APOL2: variants seen among roughly 807,000 people sequenced by gnomAD.
APOL2 encodes the protein apolipoprotein L, 2.
A neutral mutation model predicts 7.1 loss-of-function variants in APOL2; 8 were observed. That is an observed-to-expected ratio of 1.12 (90% CI 0.66 to 2.03). The LOEUF is 2.03. Among genes scored for constraint, APOL2 ranks in the 30% most tolerant of loss-of-function variants. The probability of loss-of-function intolerance (pLI) is 0.00; values close to 1 mark genes in which losing one functional copy is unlikely to be tolerated. For missense variants in APOL2, 471 were observed against 415.1 expected (o/e 1.13, Z -1.17); for synonymous variants, 177 against 159.9 (o/e 1.11, Z -0.81).
intron 1 of APOL2, 31 bp downstream of exon 1, chr22:36,239,410 A>C (rs1036113883): frequency 6.6e-7 from 1 of 1,519,534 alleles, no homozygotes. Flanking sequence ...GAATAAGGAC[A>C]TGGGGGTAGA....
chr22:36,227,269 T>C lies in APOL2; in HGVS notation c.*135A>G, dbSNP rs1014374944. 1.6e-5 allele frequency: 18 copies of C among 1,120,712 alleles called. No homozygotes were observed. In the African/African-American group the frequency reaches 2.5e-4, roughly 16 times the overall value. The allele number at this position is 1,120,712 out of a possible 1,614,324, so 69.4% of individuals were successfully genotyped here. A position where few individuals can be genotyped will look rare whatever the true frequency, so the allele number is the denominator to read the frequency against. On this transcript the variant is annotated 3_prime_UTR_variant, in exon 5 of 5. Transcript: ENST00000358502. ...AGGCGGAGTTTGCAGTGAGCCGAGA[T>C]TGAGCCACTGCACTCCATCCTGGGC...
upstream of APOL2, chr22:36,239,840 T>G (rs943301817): frequency 8.0e-5 from 26 of 323,668 alleles, no homozygotes; most frequent in Non-Finnish European, 1.2e-4. Flanking sequence ...CTGAGCCGCT[T>G]GCCCCCCAAC....
chr22:36,233,222 C>T lies in APOL2; in HGVS notation c.-60G>A, dbSNP rs748924267. ...TGGAGCTCTCCAGTCACTGTCCAGA[C>T]TGGAAGGTTTTCCTTAACCCTTGAG... On this transcript the variant is annotated 5_prime_UTR_variant, in exon 3 of 5. Coordinates refer to ENST00000358502, the MANE Select transcript of APOL2 (RefSeq NM_030882.4). 9.9e-6 allele frequency: 16 copies of T among 1,613,988 alleles called. No individual in the cohort carries two copies. In the South Asian group the frequency reaches 1.8e-4, roughly 18 times the overall value.
Position 36,227,705 on chromosome 22 carries a change from G to T in APOL2, c.713C>A (p.Ala238Glu), listed in dbSNP as rs747089040. ...RRARANPQLG[A>E]YAPPPHVIGR... Reference sequence around the variant, plus strand: ...AATGACATGCGGGGGTGGGGCATACGCTCCTAACTGAGGGTTGGCTCTGGC... The same window carrying T: ...AATGACATGCGGGGGTGGGGCATACTCTCCTAACTGAGGGTTGGCTCTGGC... Residue 238 changes from alanine to glutamate, a missense_variant, in exon 5 of 5, where the codon GCG (alanine) becomes GAG (glutamate). Transcript: ENST00000358502. The T allele has an allele frequency of 1.2e-5, 19 of 1,614,210 alleles. No individual in the cohort carries two copies. Among genetic ancestry groups the T allele is most frequent in the Non-Finnish European group, 1.6e-5 (19 of 1,180,030 alleles).
Position 36,226,463 on chromosome 22 carries a change from AG to A in APOL2, c.*940del, listed in dbSNP as rs2014989873. On this transcript the variant is annotated 3_prime_UTR_variant, in exon 5 of 5. Transcript: ENST00000358502. ...GGCCATGGCCTACCACCTGCCTCTCAGGGTTCAAGCAGGGGACATGCACCCT... is the reference window on the plus strand; with the variant it reads ...GGCCATGGCCTACCACCTGCCTCTCAGGTTCAAGCAGGGGACATGCACCCT... 1 of 152,272 alleles carries A rather than the reference AG, an allele frequency of 6.6e-6. No homozygotes were observed. The highest frequency in any genetic ancestry group is 2.4e-5 in the African/African-American group (1 of 41,444). The allele number at this position is 152,272 out of a possible 1,614,324, so 9.4% of individuals were successfully genotyped here.
In APOL2 at chr22:36,237,391, G is replaced by T. The variant is rs563163895; in HGVS notation, c.-134+2050C>A. The T allele has an allele frequency of 7.2e-6, 9 of 1,248,430 alleles. No individual in the cohort carries two copies. The South Asian group carries it at 2.5e-4, about 34-fold the overall frequency. The allele number at this position is 1,248,430 out of a possible 1,614,324, so 77.3% of individuals were successfully genotyped here. A position where few individuals can be genotyped will look rare whatever the true frequency, so the allele number is the denominator to read the frequency against. ...TGGGCAGGGAAAGAGGAGTCGAAAT[G>T]ATTTCCTGAGAAATCGTCATTTTCA... On this transcript the variant is annotated intron_variant, in intron 1 of 4. Transcript: ENST00000358502.
At chr22:36,233,651 G>T (rs1192550891) in intron 1 of APOL2, among the ~76,000 whole-genome samples, 196 bp from the exon 2 acceptor site, 1 of 152,186 alleles carries the variant, frequency 6.6e-6, no homozygotes, top group Admixed American at 6.5e-5. Context: ...CCTCTGACAT[G>T]TATCTCATTC....
Position 36,230,781 on chromosome 22 carries a change from A to G in APOL2, c.137+559T>C, listed in dbSNP as rs1188558264. ...GCCTCTCAGGATCCTGGACCAGCAG[A>G]AGGGTCCTGCTGTGTTTGTGGAATT... On this transcript the variant is annotated intron_variant, in intron 4 of 4. Transcript: ENST00000358502. Among the ~76,000 whole-genome samples, 5 of 152,096 alleles carry G rather than the reference A, an allele frequency of 3.3e-5. No homozygotes were observed. In the East Asian group the frequency reaches 9.7e-4, roughly 29 times the overall value.
At chr22:36,233,042 AT>A (rs2015280123) in intron 3 of APOL2, 110 bp downstream of exon 3, 1 of 1,136,438 alleles carries the variant, frequency 8.8e-7, no homozygotes, top group African/African-American at 1.5e-5. Flanking sequence ...GGGCAGACTC[AT>A]TGGCCTCCTA....
upstream of APOL2, chr22:36,239,556 T>A: frequency 6.5e-7 from 1 of 1,546,058 alleles, no homozygotes; most frequent in South Asian, 1.2e-5. Flanking sequence ...GCCTCCCAGA[T>A]ATACCCTGGA....
intron 1 of APOL2, among the ~76,000 whole-genome samples, chr22:36,235,246 C>A (rs546961702): frequency 2.0e-4 from 31 of 152,300 alleles, no homozygotes; most frequent in African/African-American, 6.7e-4. Context: ...GAAATAATAT[C>A]TTTGTATTCT....
chr22:36,228,274 C>T lies in APOL2; in HGVS notation c.144G>A (p.Glu48=), dbSNP rs1366788695. Residue 48 remains glutamate, a synonymous_variant, in exon 5 of 5, where the codon GAG becomes GAA. Transcript: ENST00000358502. The part of the protein sequence containing the change: ...FVAAAELPRD[E]ADELRKALNK... ...TCAGAGCTTTACGGAGCTCATCTGC[C>T]TCATCCCTGCACAAGGAAAGGTTAA... 7 of 1,612,744 alleles carry T rather than the reference C, an allele frequency of 4.3e-6. No individual in the cohort carries two copies. The highest frequency in any genetic ancestry group is 1.7e-5 in the Admixed American group (1 of 59,794).
At chr22:36,236,515 A>T (rs2015408299) in intron 1 of APOL2, 2 of 959,010 alleles carry the variant, frequency 2.1e-6, no homozygotes, top group African/African-American at 1.8e-5. Context: ...TAATAATGAC[A>T]CTATAAGTAA....
intron 3 of APOL2, among the ~76,000 whole-genome samples, chr22:36,231,803 G>A (rs1336680558): frequency 6.6e-6 from 1 of 152,188 alleles, no homozygotes; most frequent in African/African-American, 2.4e-5. Context: ...CAGCGCAAAG[G>A]CAGCTGCCGC....
chr22:36,231,402 C>G lies in APOL2; in HGVS notation c.75G>C (p.Leu25=). 2 of 1,614,182 alleles carry G rather than the reference C, an allele frequency of 1.2e-6. No individual in the cohort carries two copies. Among genetic ancestry groups the G allele is most frequent in the Non-Finnish European group, 1.7e-6 (2 of 1,180,010 alleles). ...YFQDQVSREN[L]LQLLTDDEAW... is the part of the protein sequence containing the mutation. ...CTTCATCATCAGTCAGCAGTTGTAG[C>G]AGATTCTCTCTGCTCACTTGGTCCT... The change falls in exon 4 of 5, where the codon CTG becomes CTC. Residue 25 remains leucine, a synonymous_variant. Coordinates refer to ENST00000358502, the MANE Select transcript of APOL2 (RefSeq NM_030882.4).
At position 36,228,204 on chromosome 22, in the gene APOL2, C is replaced by T. The variant is rs757083546; in HGVS notation, c.214G>A (p.Asp72Asn). The T allele has an allele frequency of 5.6e-6, 9 of 1,614,196 alleles. No homozygotes were observed. Among genetic ancestry groups the T allele is most frequent in the Admixed American group, 3.3e-5 (2 of 60,026 alleles). Residue 72 changes from aspartate (D) to asparagine (N), a missense_variant, in exon 5 of 5, where the codon GAT becomes AAT. By Grantham distance (23) the Asp-to-Asn change is conservative. Transcript: ENST00000358502. Reference sequence around the variant, plus strand: ...CACTGCCTGTGCTGCTGGTCTTTATCGTGGCGGTTTTTGTCCTTCATGACC... The same window carrying T: ...CACTGCCTGTGCTGCTGGTCTTTATTGTGGCGGTTTTTGTCCTTCATGACC... ...HMVMKDKNRH[D>N]KDQQHRQWFL...
At chr22:36,237,416 A>G (rs770519992) in intron 1 of APOL2, 50 of 1,196,610 alleles carry the variant, frequency 4.2e-5, no homozygotes, top group Non-Finnish European at 5.2e-5. Context: ...CGTCATTTTC[A>G]TTTTATTTTT....
At chr22:36,230,751 A>G (rs1191650488) in intron 4 of APOL2, among the ~76,000 whole-genome samples, 2 of 151,356 alleles carry the variant, frequency 1.3e-5, no homozygotes, top group Non-Finnish European at 3.0e-5. Context: ...GAGCCCAGGA[A>G]CTAGGCCTCT....
intron 1 of APOL2, among the ~76,000 whole-genome samples, chr22:36,235,861 A>G (rs751890765): frequency 9.2e-5 from 14 of 152,010 alleles, no homozygotes; most frequent in Non-Finnish European, 1.8e-4. Context: ...AGAAAACAGG[A>G]AAATCAACCC....
Sources: gnomAD v4.1 joint callset for allele counts (sites outside exome capture counted in the v4.1 genomes callset) on GRCh38, gnomAD v4.1.1 for gene constraint, MANE v1.5 for transcripts, NCBI Gene and HGNC (gene_info 2026-07-23, HGNC 2026-07-21) for gene names.